Variants in TSHZ3 observed in about 807,000 individuals in gnomAD.
The protein encoded by TSHZ3 is teashirt zinc finger homeobox 3, also known as teashirt homolog 3.
In TSHZ3, 10 loss-of-function variants were observed where a neutral mutation model predicts 64.5. That is an observed-to-expected ratio of 0.16 (90% CI 0.10 to 0.26). The LOEUF (loss-of-function observed/expected upper bound fraction) is 0.26. TSHZ3 is among the 10% of genes least tolerant of loss of function. The pLI is 1.00. For missense variants in TSHZ3, 1,242 were observed against 1,421.7 expected (o/e 0.87, Z 2.03); for synonymous variants, 608 against 593.1 (o/e 1.03, Z -0.36).
intron 1 of TSHZ3, among the ~76,000 whole-genome samples, chr19:31,328,031 C>T (rs1477892845): frequency 6.6e-6 from 1 of 152,218 alleles, no homozygotes; most frequent in Admixed American, 6.5e-5. Context: ...ATTCAGTTCA[C>T]ACTTTGTTCT....
chr19:31,271,635 G>C (rs1976140371), downstream of TSHZ3, among the ~76,000 whole-genome samples: 1 of 152,150 alleles, frequency 6.6e-6, no homozygotes, highest in Admixed American at 6.5e-5. Context: ...GCACTGAATG[G>C]AGGTCCAAGC....
chr19:31,225,695 A>G (rs1483754865), intron 4 of TSHZ3, among the ~76,000 whole-genome samples: 2 of 151,920 alleles, frequency 1.3e-5, no homozygotes, highest in Admixed American at 6.6e-5. Context: ...CTGCCTTCTG[A>G]CAGTTTCCAT....
At chr19:31,208,891 G>A (rs1377010102) in intron 4 of TSHZ3, among the ~76,000 whole-genome samples, 1 of 152,218 alleles carries the variant, frequency 6.6e-6, no homozygotes, top group South Asian at 2.1e-4. Context: ...CCCAAGCCAT[G>A]CCAGGATTTT....
chr19:31,277,437 T>C lies in TSHZ3; in HGVS notation c.2356A>G (p.Asn786Asp), dbSNP rs546815623. 218 of 1,613,988 alleles carry C rather than the reference T, an allele frequency of 1.4e-4. 4 individuals carry two copies. In the South Asian group the frequency reaches 2.3e-3, roughly 17 times the overall value. The part of the protein sequence containing the change: ...HLDRYFYHVN[N>D]DQPIDLTKGK... ...TTTGTCAAGTCTATGGGCTGGTCGT[T>C]GTTGACGTGGTAGAAATAGCGGTCG... The change falls in exon 2 of 2, where the codon AAC becomes GAC. Residue 786 changes from asparagine to aspartate, a missense_variant. Transcript: ENST00000240587. The surrounding 1 kb of genome is among the most constrained non-coding windows in gnomAD (Gnocchi z 4.5).
intron 5 of TSHZ3, among the ~76,000 whole-genome samples, chr19:31,183,210 C>T (rs879813296): frequency 2.2e-3 from 200 of 89,490 alleles, no homozygotes; most frequent in African/African-American, 0.01. Flanking sequence ...CTCTCTCTCT[C>T]TCTCTCTCTC....
chr19:31,163,795 G>T (rs1248031457), intron 5 of TSHZ3, among the ~76,000 whole-genome samples: 1 of 152,146 alleles, frequency 6.6e-6, no homozygotes, highest in Non-Finnish European at 1.5e-5. Flanking sequence ...AAAAGGACAG[G>T]CTGGGGCACA....
intron 1 of TSHZ3, among the ~76,000 whole-genome samples, chr19:31,259,363 C>T (rs1458862103): frequency 6.6e-6 from 1 of 151,988 alleles, no homozygotes; most frequent in African/African-American, 2.4e-5. Context: ...TTTTTCAATC[C>T]CTTTATTTTA....
intron 1 of TSHZ3, among the ~76,000 whole-genome samples, chr19:31,313,183 C>T (rs1332003387): frequency 6.6e-6 from 1 of 152,064 alleles, no homozygotes; most frequent in East Asian, 1.9e-4. Context: ...GAGGGCTTTG[C>T]TCTGCTACCA....
At chr19:31,226,395 GAT>G (rs1186165391) in intron 4 of TSHZ3, among the ~76,000 whole-genome samples, 1 of 152,118 alleles carries the variant, frequency 6.6e-6, no homozygotes, top group Non-Finnish European at 1.5e-5. Context: ...CACAAGATCT[GAT>G]TGTTTCATAA....
chr19:31,260,322 G>T (rs977865738), intron 1 of TSHZ3, among the ~76,000 whole-genome samples: 4 of 152,164 alleles, frequency 2.6e-5, no homozygotes, highest in African/African-American at 9.7e-5. Context: ...TGTCCGTGGT[G>T]CCCTGCCTAA....
At chr19:31,227,320 A>C (rs1322866672) in intron 4 of TSHZ3, among the ~76,000 whole-genome samples, 1 of 152,036 alleles carries the variant, frequency 6.6e-6, no homozygotes, top group African/African-American at 2.4e-5. Flanking sequence ...TGACAGATCT[A>C]CCCAGAATCA....
In TSHZ3 at chr19:31,275,418, C is replaced by A. The variant is rs1169821781; in HGVS notation, c.*1129G>T. Reference sequence around the variant, plus strand: ...AGGCTTTATCAATGTTTAGGAAATACAGTACAAGTTCTTTTTTTTTTTTTG... The same window carrying A: ...AGGCTTTATCAATGTTTAGGAAATAAAGTACAAGTTCTTTTTTTTTTTTTG... On this transcript the variant is annotated 3_prime_UTR_variant, in exon 2 of 2. Transcript: ENST00000240587. 1 of 150,438 alleles carries A rather than the reference C, an allele frequency of 6.6e-6. No homozygotes were observed. The highest frequency in any genetic ancestry group is 1.5e-5 in the Non-Finnish European group (1 of 67,642). 9.3% of individuals were successfully genotyped at this position (150,438 alleles called of 1,614,324 possible). A position where few individuals can be genotyped will look rare whatever the true frequency, so the allele number is the denominator to read the frequency against.
intron 1 of TSHZ3, among the ~76,000 whole-genome samples, chr19:31,327,059 G>A (rs79808561): frequency 0.013 from 1,997 of 152,158 alleles, 46 homozygotes; most frequent in African/African-American, 0.046. Flanking sequence ...CTACTGAAAG[G>A]CAGCAGCTTT....
At chr19:31,289,335 C>A (rs373521052) in intron 1 of TSHZ3, among the ~76,000 whole-genome samples, 15 of 152,158 alleles carry the variant, frequency 9.9e-5, no homozygotes, top group Admixed American at 9.8e-4. Flanking sequence ...AGAGCTCCCA[C>A]TGGGGCTTGG....
rs746410502 is a variant in TSHZ3, at chr19:31,277,496, G to A, written c.2297C>T (p.Pro766Leu). ...TGCCTTCTTGGACTGCAGGGGCGGC[G>A]GGGTGGCCACAGCAGCCTTCTCCGC... ...SLAEKAAVATPPPLQSKKADH... is the reference protein window; with the variant it reads ...SLAEKAAVATLPPLQSKKADH... Residue 766 changes from proline (P) to leucine (L), a missense_variant, in exon 2 of 2, where the codon CCG becomes CTG. By Grantham distance (98) the Pro-to-Leu change is moderately conservative (BLOSUM62 -3). Transcript: ENST00000240587. This position sits in a 1 kb window ranked among gnomAD's most constrained non-coding sequence, Gnocchi z 4.5. 15 of 1,608,876 alleles carry A rather than the reference G, an allele frequency of 9.3e-6. No homozygotes were observed. The highest frequency in any genetic ancestry group is 3.3e-5 in the Admixed American group (2 of 59,718).
At chr19:31,344,560 T>C (rs988796066) in intron 1 of TSHZ3, among the ~76,000 whole-genome samples, 2 of 152,192 alleles carry the variant, frequency 1.3e-5, no homozygotes, top group Non-Finnish European at 2.9e-5. Flanking sequence ...GACCGGGCAC[T>C]TCCTAATCCT....
In TSHZ3 at chr19:31,279,796, T is replaced by C. The variant is rs763608123; in HGVS notation, c.41-44A>G. 15 of 1,444,660 alleles carry C rather than the reference T, an allele frequency of 1.0e-5. No individual in the cohort carries two copies. Among genetic ancestry groups the C allele is most frequent in the South Asian group, 1.6e-5 (1 of 62,786 alleles). The allele number at this position is 1,444,660 out of a possible 1,614,324, so 89.5% of individuals were successfully genotyped here. ...GGAAAGAGAGACAGGTAGGATGGAATGAAGAGAGACAGGGAGAAGGAGAGA... is the reference window on the plus strand; with the variant it reads ...GGAAAGAGAGACAGGTAGGATGGAACGAAGAGAGACAGGGAGAAGGAGAGA... On this transcript the variant is annotated intron_variant, in intron 1 of 1. Transcript: ENST00000240587. The surrounding 1 kb of genome is among the most constrained non-coding windows in gnomAD (Gnocchi z 6.4).
chr19:31,301,669 G>A (rs1976759578), intron 1 of TSHZ3, among the ~76,000 whole-genome samples: 1 of 152,170 alleles, frequency 6.6e-6, no homozygotes, highest in Admixed American at 6.5e-5. Context: ...GTCAGAGAGG[G>A]TCGGGTCAGA....
chr19:31,247,989 C>CTCACAA (rs1268350364), intron 1 of TSHZ3, among the ~76,000 whole-genome samples: 1 of 152,110 alleles, frequency 6.6e-6, no homozygotes, highest in Non-Finnish European at 1.5e-5. Context: ...CTGGGGAGGC[C>CTCACAA]TCACAATCAT....
Sources: gnomAD v4.1 joint callset for allele counts (sites outside exome capture counted in the v4.1 genomes callset) on GRCh38, gnomAD v4.1.1 for gene constraint, Gnocchi (gnomAD v3.1) non-coding constraint, MANE v1.5 for transcripts, NCBI Gene and HGNC (gene_info 2026-07-23, HGNC 2026-07-21) for gene names.